The following CCDC171 variants were observed in gnomAD, a reference collection of about 807,000 sequenced individuals.
The protein encoded by CCDC171 is coiled-coil domain containing 171, also known as coiled-coil domain-containing protein 171.
Under a neutral mutation model 168.2 loss-of-function variants are expected in CCDC171, and 177 were observed. The ratio of observed to expected loss-of-function variants is 1.05; its 90% CI spans 0.93 to 1.19. The LOEUF is 1.19. Among genes scored for constraint, CCDC171 ranks in the 50% most tolerant of loss-of-function variants. The pLI is 0.00. For missense variants in CCDC171, 1,991 were observed against 1,539.0 expected (o/e 1.29, Z -4.91); for synonymous variants, 687 against 540.8 (o/e 1.27, Z -3.75).
chr9:16,037,358 C>T (rs1586850884), intron 8 of CCDC171, among the ~76,000 whole-genome samples: 1 of 152,198 alleles, frequency 6.6e-6, no homozygotes, highest in African/African-American at 2.4e-5. Context: ...GCACAAAACT[C>T]TCCTGGTTGT....
intron 7 of CCDC171, among the ~76,000 whole-genome samples, chr9:15,626,009 A>G (rs948228754): frequency 1.2e-4 from 19 of 152,258 alleles, no homozygotes; most frequent in African/African-American, 4.1e-4. Flanking sequence ...AGTGGTTTGT[A>G]GTTCTCCTTG....
At chr9:15,674,933 T>C (rs552398004) in intron 9 of CCDC171, among the ~76,000 whole-genome samples, 1 of 152,156 alleles carries the variant, frequency 6.6e-6, no homozygotes, top group Non-Finnish European at 1.5e-5. Context: ...TTCTGTCTCG[T>C]TGATCTGTCT....
intron 9 of CCDC171, among the ~76,000 whole-genome samples, chr9:15,667,600 C>T (rs548883294): frequency 3.9e-5 from 6 of 152,006 alleles, no homozygotes; most frequent in Non-Finnish European, 5.9e-5. Flanking sequence ...GAGCTGAGAT[C>T]GCGCCATTGC....
chr9:15,854,909 A>G (rs534804703), intron 23 of CCDC171, among the ~76,000 whole-genome samples: 6 of 151,798 alleles, frequency 4.0e-5, no homozygotes, highest in East Asian at 3.9e-4. Flanking sequence ...TATTTTTGCT[A>G]TGGAGTTATA....
chr9:16,027,776 A>G (rs1021577591), intron 6 of CCDC171, among the ~76,000 whole-genome samples: 36 of 152,182 alleles, frequency 2.4e-4, no homozygotes, highest in African/African-American at 8.7e-4. Flanking sequence ...AGCCCTGATT[A>G]ATTAAACATC....
rs77814767 is a variant in CCDC171, at chr9:15,594,368, G to C, written c.675+196G>C. Among the ~76,000 whole-genome samples, 752 of 152,188 alleles carry C rather than the reference G, an allele frequency of 4.9e-3. 9 individuals are homozygous for C. Among genetic ancestry groups the C allele is most frequent in the African/African-American group, 0.017 (691 of 41,544 alleles). ...AGATACCATTAGTGTTTAGAGTTCA[G>C]TGATTTCCATTGCATACCTTATGTG... On this transcript the variant is annotated intron_variant, in intron 6 of 25. Coordinates refer to ENST00000380701, the MANE Select transcript of CCDC171 (RefSeq NM_173550.4).
chr9:15,661,074 A>G (rs2048279346), intron 8 of CCDC171, among the ~76,000 whole-genome samples: 2 of 152,098 alleles, frequency 1.3e-5, no homozygotes, highest in Non-Finnish European at 2.9e-5. Context: ...AGGTCAGGAG[A>G]TCGAGACCAT....
In CCDC171 at chr9:15,594,025, T is replaced by C; in HGVS notation, c.544-16T>C. 6.4e-7 allele frequency: 1 copy of C among 1,563,090 alleles called. No individual in the cohort carries two copies. The highest frequency in any genetic ancestry group is 2.3e-5 in the East Asian group (1 of 43,720). ...TTATTGATCTAACAGTAAAGCAAGA[T>C]TTTATTTATATAAAGGAAGCGTTGG... On this transcript the variant is annotated splice_polypyrimidine_tract_variant and intron_variant, in intron 5 of 25. Coordinates refer to ENST00000380701, the MANE Select transcript of CCDC171 (RefSeq NM_173550.4).
intron 4 of CCDC171, among the ~76,000 whole-genome samples, chr9:16,021,234 C>T (rs1013682564): frequency 3.9e-5 from 6 of 152,088 alleles, no homozygotes; most frequent in Admixed American, 6.5e-5. Flanking sequence ...ATTACAGGCA[C>T]GTGTCACCAC....
intron 21 of CCDC171, among the ~76,000 whole-genome samples, chr9:15,814,378 G>T (rs903094504): frequency 6.6e-6 from 1 of 152,186 alleles, no homozygotes. Flanking sequence ...CGAGGATGGG[G>T]TTGGGGAAGA....
At chr9:16,048,555 A>G (rs1416842897) in intron 1 of CCDC171, among the ~76,000 whole-genome samples, 1 of 152,204 alleles carries the variant, frequency 6.6e-6, no homozygotes, top group African/African-American at 2.4e-5. Flanking sequence ...AGAGATTAAG[A>G]CCACAGATTT....
At chr9:15,969,414 A>G (rs1015587999) in intron 25 of CCDC171, among the ~76,000 whole-genome samples, 1 of 152,188 alleles carries the variant, frequency 6.6e-6, no homozygotes, top group Admixed American at 6.5e-5. Flanking sequence ...AGTACAACAT[A>G]TAAGTTTGAG....
At position 15,790,742 on chromosome 9, in the gene CCDC171, A is replaced by C. The variant is rs545128203; in HGVS notation, c.3267+6048A>C. Among the ~76,000 whole-genome samples, 299 of 152,322 alleles carry C rather than the reference A, an allele frequency of 2.0e-3. 1 individual carries two copies. The highest frequency in any genetic ancestry group is 6.3e-3 in the Admixed American group (97 of 15,298). On this transcript the variant is annotated intron_variant, in intron 21 of 25. Transcript: ENST00000380701. ...TTTATGGTTTCAGGTCTAACATTTAAGTCCTTAATCCATCTTGAATTAATT... is the reference window on the plus strand; with the variant it reads ...TTTATGGTTTCAGGTCTAACATTTACGTCCTTAATCCATCTTGAATTAATT...
intron 25 of CCDC171, among the ~76,000 whole-genome samples, chr9:15,966,779 G>A (rs1830833283): frequency 6.6e-6 from 1 of 152,006 alleles, no homozygotes; most frequent in Admixed American, 6.6e-5. Context: ...TGACTTACAG[G>A]GAGAAGAATG....
intron 18 of CCDC171, among the ~76,000 whole-genome samples, chr9:15,771,271 G>A (rs1001442872): frequency 1.2e-4 from 19 of 152,088 alleles, no homozygotes; most frequent in African/African-American, 4.6e-4. Flanking sequence ...CATTTAGAAA[G>A]TACTATCAGT....
At chr9:15,947,783 G>A (rs997097303) in intron 25 of CCDC171, among the ~76,000 whole-genome samples, 6 of 151,068 alleles carry the variant, frequency 4.0e-5, no homozygotes, top group African/African-American at 7.3e-5. Context: ...GGTTCATAAT[G>A]GGCATACAAG....
intron 23 of CCDC171, among the ~76,000 whole-genome samples, chr9:15,853,760 A>G (rs2061235021): frequency 6.6e-6 from 1 of 151,576 alleles, no homozygotes; most frequent in African/African-American, 2.4e-5. Context: ...TCAGTTTGAG[A>G]AAGTGCTCTT....
At chr9:16,065,539 A>G (rs975241732), downstream of CCDC171, among the ~76,000 whole-genome samples, 1 of 152,188 alleles carries the variant, frequency 6.6e-6, no homozygotes, top group African/African-American at 2.4e-5. Flanking sequence ...GAAGAGTTAC[A>G]AAGCACTTTC....
the CCDC171 span, among the ~76,000 whole-genome samples, chr9:16,083,817 A>T: frequency 1.3e-5 from 2 of 152,164 alleles, no homozygotes; most frequent in Non-Finnish European, 2.9e-5. Context: ...CCTGATAGTC[A>T]TATCTCCTGG....
Sources: gnomAD v4.1 joint callset for allele counts (sites outside exome capture counted in the v4.1 genomes callset) on GRCh38, gnomAD v4.1.1 for gene constraint, MANE v1.5 for transcripts, NCBI Gene and HGNC (gene_info 2026-07-23, HGNC 2026-07-21) for gene names.